Variants in GRIN2B observed in about 807,000 individuals in gnomAD.
The protein encoded by GRIN2B is glutamate receptor ionotropic, NMDA 2B.
In GRIN2B, 5 loss-of-function variants were observed where a neutral mutation model predicts 114.5. That is an observed-to-expected ratio of 0.04 (90% CI 0.02 to 0.09). The LOEUF (loss-of-function observed/expected upper bound fraction) is 0.09, where lower values mean the gene tolerates loss of function less well. Ranked by LOEUF, GRIN2B falls within the 10% of genes least tolerant of loss-of-function variation. The pLI, the probability that GRIN2B is intolerant of heterozygous loss-of-function variation, is 1.00. For synonymous variants in GRIN2B, 787 were observed against 745.1 expected (o/e 1.06, Z -0.92); for missense variants, 1,108 against 1,943.5 (o/e 0.57, Z 8.08).
At position 13,753,648 on chromosome 12, in the gene GRIN2B, T is replaced by C. The variant is rs201672517; in HGVS notation, c.679A>G (p.Ile227Val). 18 of 1,614,078 alleles carry C rather than the reference T, an allele frequency of 1.1e-5. No individual in the cohort carries two copies. In the Admixed American group the frequency reaches 1.7e-4, roughly 15 times the overall value. Residue 227 changes from isoleucine (I) to valine (V), a missense_variant, in exon 4 of 14, where the codon ATC (isoleucine) becomes GTC (valine). This residue lies in a region of GRIN2B where 199 missense variants were observed against 439.6 expected (regional missense o/e 0.45). Transcript: ENST00000609686. The surrounding 1 kb of genome is among the most constrained non-coding windows in gnomAD (Gnocchi z 6.2). ...QNQLKKLQSP[I>V]ILLYCTKEEA... is the part of the protein sequence containing the mutation. ...TCCTTGGTACAGTAAAGAAGAATGA[T>C]GGGGCTTTGAAGTTTCTTGAGCTGA...
intron 11 of GRIN2B, among the ~76,000 whole-genome samples, chr12:13,571,483 T>TTTA (rs34818568): frequency 0.81 from 123,623 of 151,928 alleles, 52,352 homozygotes; most frequent in East Asian, 1. Context: ...ACAACAGGTC[T>TTTA]TTACATACAC....
intron 2 of GRIN2B, among the ~76,000 whole-genome samples, chr12:13,879,156 G>A (rs560588617): frequency 6.6e-6 from 1 of 152,266 alleles, no homozygotes; most frequent in East Asian, 1.9e-4. Flanking sequence ...TGCATCATTA[G>A]GCGACTTCAT....
At chr12:13,922,873 T>TA (rs1866846739) in intron 2 of GRIN2B, among the ~76,000 whole-genome samples, 1 of 152,194 alleles carries the variant, frequency 6.6e-6, no homozygotes, top group African/African-American at 2.4e-5. Flanking sequence ...AAGTGACCTA[T>TA]GCTGGGCCAA....
chr12:13,755,231 T>C (rs906360721), intron 3 of GRIN2B, among the ~76,000 whole-genome samples: 9 of 152,170 alleles, frequency 5.9e-5, no homozygotes, highest in Middle Eastern at 3.2e-3. Flanking sequence ...CAGGAACATA[T>C]TGTTGTGCAG....
intron 4 of GRIN2B, among the ~76,000 whole-genome samples, chr12:13,746,049 T>C (rs1348937528): frequency 6.6e-6 from 1 of 151,930 alleles, no homozygotes; most frequent in Non-Finnish European, 1.5e-5. Flanking sequence ...TAAATATAAT[T>C]TATACAGTAT....
chr12:13,753,493 G>T lies in GRIN2B; in HGVS notation c.834C>A (p.Ile278=), dbSNP rs199835162. ...AGTCCCATTCATCATATGATACAGA[G>T]ATGAGCCCAGTGGGGAACTCCGCAG... The part of the protein sequence containing the change: ...TVPAEFPTGL[I]SVSYDEWDYG... The change falls in exon 4 of 14, where the codon ATC becomes ATA. Residue 278 remains isoleucine, a synonymous_variant. Coordinates refer to ENST00000609686, the MANE Select transcript of GRIN2B (RefSeq NM_000834.5). The surrounding 1 kb of genome is among the most constrained non-coding windows in gnomAD (Gnocchi z 6.2). 46 of 1,614,034 alleles carry T rather than the reference G, an allele frequency of 2.9e-5. No individual in the cohort carries two copies. The Admixed American group carries it at 4.2e-4, about 15-fold the overall frequency.
chr12:13,795,223 T>C (rs1864396894), intron 3 of GRIN2B, among the ~76,000 whole-genome samples: 1 of 152,206 alleles, frequency 6.6e-6, no homozygotes, highest in African/African-American at 2.4e-5. Flanking sequence ...ATTTAGTGGA[T>C]AATAAGCTAA....
chr12:13,831,150 T>C (rs1231639489), intron 3 of GRIN2B, among the ~76,000 whole-genome samples: 4 of 152,164 alleles, frequency 2.6e-5, no homozygotes, highest in Non-Finnish European at 5.9e-5. Flanking sequence ...CCCCTTCACC[T>C]TCCACCTTCA....
At chr12:13,854,900 T>C (rs1180503653) in intron 3 of GRIN2B, among the ~76,000 whole-genome samples, 1 of 151,982 alleles carries the variant, frequency 6.6e-6, no homozygotes, top group Non-Finnish European at 1.5e-5. Flanking sequence ...TGAACAATCT[T>C]ACTTAATAAC....
At position 13,917,773 on chromosome 12, in the gene GRIN2B, T is replaced by C. The variant is rs1866757933; in HGVS notation, c.-18-51547A>G. 1.3e-5 allele frequency among the ~76,000 whole-genome samples: 2 copies of C among 152,246 alleles called. 1 individual carries two copies. Among genetic ancestry groups the C allele is most frequent in the South Asian group, 4.1e-4 (2 of 4,836 alleles). Reference sequence around the variant, plus strand: ...CCTATAATTTTTGGATGAAAAACATTTGTTCCATTATTGTGGGAATATCTC... The same window carrying C: ...CCTATAATTTTTGGATGAAAAACATCTGTTCCATTATTGTGGGAATATCTC... On this transcript the variant is annotated intron_variant, in intron 2 of 13. Coordinates refer to ENST00000609686, the MANE Select transcript of GRIN2B (RefSeq NM_000834.5).
chr12:13,733,487 C>A (rs1004210588), intron 4 of GRIN2B, among the ~76,000 whole-genome samples: 2 of 152,224 alleles, frequency 1.3e-5, no homozygotes, highest in Admixed American at 1.3e-4. Context: ...TAAAATAAAT[C>A]TTTTCAATCA....
intron 2 of GRIN2B, among the ~76,000 whole-genome samples, chr12:13,908,903 G>A (rs1262869894): frequency 6.6e-6 from 1 of 152,210 alleles, no homozygotes; most frequent in African/African-American, 2.4e-5. Flanking sequence ...GAAGCACACT[G>A]CTGCACTGCT....
At chr12:13,840,432 T>C (rs1012663713) in intron 3 of GRIN2B, among the ~76,000 whole-genome samples, 1 of 152,148 alleles carries the variant, frequency 6.6e-6, no homozygotes, top group Non-Finnish European at 1.5e-5. Flanking sequence ...TAGACAAAGA[T>C]ACCTGATTTA....
intron 10 of GRIN2B, among the ~76,000 whole-genome samples, chr12:13,602,632 A>G (rs1156265433): frequency 1.3e-5 from 2 of 152,210 alleles, no homozygotes; most frequent in African/African-American, 4.8e-5. Flanking sequence ...ATATTTATTT[A>G]CTTGCCTGCA....
intron 5 of GRIN2B, among the ~76,000 whole-genome samples, chr12:13,662,694 C>G (rs1431414041): frequency 2.0e-5 from 3 of 152,086 alleles, no homozygotes; most frequent in Non-Finnish European, 2.9e-5. Flanking sequence ...AAATATTCGC[C>G]AAATGCATAA....
chr12:13,820,635 G>C (rs1864916387), intron 3 of GRIN2B, among the ~76,000 whole-genome samples: 1 of 152,230 alleles, frequency 6.6e-6, no homozygotes, highest in Admixed American at 6.5e-5. Flanking sequence ...CAAGCATATA[G>C]TACAATGCTT....
chr12:13,751,328 C>G (rs1863480442), intron 4 of GRIN2B, among the ~76,000 whole-genome samples: 1 of 152,082 alleles, frequency 6.6e-6, no homozygotes, highest in South Asian at 2.1e-4. Flanking sequence ...ATGATGAAAT[C>G]ACATTTTTAA....
At chr12:13,603,382 T>C (rs1205225425) in intron 10 of GRIN2B, among the ~76,000 whole-genome samples, 1 of 152,080 alleles carries the variant, frequency 6.6e-6, no homozygotes, top group African/African-American at 2.4e-5. Context: ...GAGCATCAAA[T>C]AGCATCAGGG....
At chr12:13,720,949 A>G (rs966721427) in intron 4 of GRIN2B, among the ~76,000 whole-genome samples, 12 of 152,140 alleles carry the variant, frequency 7.9e-5, no homozygotes, top group Admixed American at 6.6e-5. Context: ...GAGAGATAAT[A>G]AACTACAACC....
Sources: gnomAD v4.1 joint callset for allele counts (sites outside exome capture counted in the v4.1 genomes callset) on GRCh38, gnomAD v4.1.1 for gene constraint, gnomAD v4.1.1 regional missense constraint, Gnocchi (gnomAD v3.1) non-coding constraint, MANE v1.5 for transcripts, NCBI Gene and HGNC (gene_info 2026-07-23, HGNC 2026-07-21) for gene names.